Variants in PATJ observed in about 807,000 individuals in gnomAD.
The protein encoded by PATJ is PATJ crumbs cell polarity complex component.
A neutral mutation model predicts 224.9 loss-of-function variants in PATJ; 190 were observed. That is an observed-to-expected ratio of 0.84 (90% confidence interval 0.75 to 0.95). PATJ has a LOEUF of 0.95. Among genes scored for constraint, PATJ ranks in the 40% least tolerant of loss-of-function variants. The pLI is 0.00. For missense variants in PATJ, 2,121 were observed against 2,270.3 expected (o/e 0.93, Z 1.34); for synonymous variants, 769 against 820.3 (o/e 0.94, Z 1.07).
At chr1:61,864,166 T>A in intron 19 of PATJ, 72 bp from the exon 20 acceptor site, 1 of 1,356,296 alleles carries the variant, frequency 7.4e-7, no homozygotes, top group Non-Finnish European at 1.0e-6. Flanking sequence ...TTTGAAAATT[T>A]TCCAGTTTAT....
At chr1:61,766,256 T>TGA (rs1553153976) in intron 3 of PATJ, 23 bp from the exon 4 acceptor site, 1 of 1,512,404 alleles carries the variant, frequency 6.6e-7, no homozygotes, top group East Asian at 2.3e-5. Flanking sequence ...TTTCTGTTGA[T>TGA]TCTTTTTTTT....
At chr1:62,069,061 G>A (rs1656967167) in intron 31 of PATJ, among the ~76,000 whole-genome samples, 3 of 152,160 alleles carry the variant, frequency 2.0e-5, no homozygotes, top group South Asian at 2.1e-4. Flanking sequence ...GGTCACTGCC[G>A]TGGCTACTGC....
At chr1:61,858,353 C>T (rs1664029965) in intron 18 of PATJ, among the ~76,000 whole-genome samples, 1 of 152,186 alleles carries the variant, frequency 6.6e-6, no homozygotes, top group African/African-American at 2.4e-5. Flanking sequence ...ACCTCCATCT[C>T]CCAGGTTCAA....
rs763350089 is a variant in PATJ, at chr1:61,822,954, A to G, written c.1693A>G (p.Ile565Val). ...ELQKYSKLLP[I>V]HTLRLGVEVD... The stretch of plus-strand genomic sequence containing the variant: ...TTGTGTTTTGCTACAGCTGCTGCCT[A>G]TTCACACTCTGAGGCTTGGTGTGGA... The change falls in exon 15 of 44, where the codon ATT becomes GTT. Residue 565 changes from isoleucine to valine, a missense_variant. Coordinates refer to ENST00000642238, the MANE Select transcript of PATJ (RefSeq NM_001350145.3). The G allele has an allele frequency of 1.9e-6, 3 of 1,614,014 alleles. No individual in the cohort carries two copies. The highest frequency in any genetic ancestry group is 1.7e-6 in the Non-Finnish European group (2 of 1,179,970).
intron 31 of PATJ, chr1:62,054,191 T>TA (rs1006905062): frequency 8.6e-3 from 1,474 of 172,278 alleles, no homozygotes; most frequent in South Asian, 0.02. Flanking sequence ...CATTTTTATT[T>TA]AAAAAAAAAA....
rs1299089572 is a variant in PATJ at position 61,914,613 on chromosome 1, C to T, written c.3519C>T (p.Ala1173=). Residue 1173 remains alanine, a synonymous_variant, in exon 26 of 44, where the codon GCC becomes GCT. Transcript: ENST00000642238. The stretch of plus-strand genomic sequence containing the variant: ...TCATTCCTAACGTACATAACAAGGC[C>T]AACAAAATCACCGGTAACCAGAACC... ...PRVIPNVHNK[A]NKITGNQNQD... 1.3e-6 allele frequency: 2 copies of T among 1,579,684 alleles called. No individual in the cohort carries two copies. The highest frequency in any genetic ancestry group is 1.3e-5 in the African/African-American group (1 of 74,306).
Position 62,123,474 on chromosome 1 carries a change from T to TTA in PATJ, c.5043+417_5043+418insAT, listed in dbSNP as rs1329876324. Reference sequence around the variant, plus strand: ...TATGAATGTGCTATAAGTTTCTTTTTTTTTTTTTTTTTTTTTTTTTTGAGA... The same window carrying TTA: ...TATGAATGTGCTATAAGTTTCTTTTTTATTTTTTTTTTTTTTTTTTTTTGAGA... On this transcript the variant is annotated intron_variant, in intron 39 of 43. Transcript: ENST00000642238. 2.4e-5 allele frequency among the ~76,000 whole-genome samples: 3 copies of TTA among 126,718 alleles called. No individual in the cohort carries two copies. The East Asian group carries it at 7.2e-4, about 30-fold the overall frequency. The allele number at this position is 126,718 out of a possible 152,430, so 83.1% of individuals were successfully genotyped here. A position where few individuals can be genotyped will look rare whatever the true frequency, so the allele number is the denominator to read the frequency against.
At chr1:61,860,813 C>T (rs1044615841) in intron 18 of PATJ, among the ~76,000 whole-genome samples, 1 of 148,086 alleles carries the variant, frequency 6.8e-6, no homozygotes, top group Admixed American at 6.8e-5. Flanking sequence ...GGTGACACAG[C>T]GAGACTCTCT....
At chr1:61,790,506 C>CT (rs1255469790) in intron 8 of PATJ, among the ~76,000 whole-genome samples, 109 of 105,456 alleles carry the variant, frequency 1.0e-3, no homozygotes, top group Admixed American at 1.7e-3. Context: ...TTTTCTTCTT[C>CT]TTTTTTTTGT....
At chr1:61,791,254 C>G in intron 8 of PATJ, 94 bp from the exon 9 acceptor site, 2 of 669,434 alleles carry the variant, frequency 3.0e-6, no homozygotes, top group Non-Finnish European at 5.1e-6. Context: ...GCCATAGATG[C>G]TAAGAAAATA....
At chr1:61,900,017 A>G (rs1455745566) in intron 23 of PATJ, among the ~76,000 whole-genome samples, 2 of 152,194 alleles carry the variant, frequency 1.3e-5, no homozygotes, top group African/African-American at 4.8e-5. Flanking sequence ...TCTAGTATAT[A>G]TCAGTTTATC....
intron 29 of PATJ, among the ~76,000 whole-genome samples, chr1:62,022,300 A>G (rs1387604551): frequency 2.0e-5 from 3 of 152,216 alleles, no homozygotes; most frequent in Non-Finnish European, 2.9e-5. Flanking sequence ...AGCAAGTTGC[A>G]GCTATTTATA....
At chr1:62,010,432 AC>A (rs1398623009) in intron 28 of PATJ, among the ~76,000 whole-genome samples, 1 of 144,572 alleles carries the variant, frequency 6.9e-6, no homozygotes, top group South Asian at 2.2e-4. Flanking sequence ...TCCCCAAAAA[AC>A]CCCCTCCCCA....
chr1:62,070,248 T>C (rs536204300), intron 31 of PATJ, among the ~76,000 whole-genome samples: 1 of 152,164 alleles, frequency 6.6e-6, no homozygotes, highest in Non-Finnish European at 1.5e-5. Flanking sequence ...ACGAGGCAGG[T>C]TAGAGTTTTT....
chr1:62,159,828 G>A (rs1023864392), intron 43 of PATJ, among the ~76,000 whole-genome samples: 16 of 152,176 alleles, frequency 1.1e-4, no homozygotes, highest in Admixed American at 3.9e-4. Flanking sequence ...ACAGGCATGA[G>A]CCACTGCACC....
chr1:62,006,152 C>T (rs1458049850), intron 28 of PATJ, among the ~76,000 whole-genome samples: 1 of 152,072 alleles, frequency 6.6e-6, no homozygotes, highest in Non-Finnish European at 1.5e-5. Flanking sequence ...CTTGCTCTGT[C>T]GCCCCAGGCT....
At position 61,917,280 on chromosome 1, in the gene PATJ, G is replaced by C. The variant is rs371950817; in HGVS notation, c.3570+2616G>C. 1.3e-4 allele frequency among the ~76,000 whole-genome samples: 20 copies of C among 152,292 alleles called. No homozygotes were observed. In the East Asian group the frequency reaches 3.9e-3, roughly 29 times the overall value. ...CCAAGATATTGGAGGTTAAAGGCAA[G>C]ATGGAGTTGGTTAGGTCAGGTCTCT... On this transcript the variant is annotated intron_variant, in intron 26 of 43. Coordinates refer to ENST00000642238, the MANE Select transcript of PATJ (RefSeq NM_001350145.3).
At position 61,815,926 on chromosome 1, in the gene PATJ, A is replaced by G. The variant is rs376225187; in HGVS notation, c.1684-7019A>G. ...TTGGCAAGTGTTTACTATTAAGATA[A>G]TAACAGCTCTATGAGGGAGAAGCAT... On this transcript the variant is annotated intron_variant, in intron 14 of 43. Transcript: ENST00000642238. 2.0e-5 allele frequency among the ~76,000 whole-genome samples: 3 copies of G among 152,196 alleles called. No individual in the cohort carries two copies. In the East Asian group the frequency reaches 5.8e-4, roughly 29 times the overall value.
chr1:62,028,052 T>C (rs1360607464), intron 29 of PATJ, among the ~76,000 whole-genome samples: 1 of 152,228 alleles, frequency 6.6e-6, no homozygotes, highest in Non-Finnish European at 1.5e-5. Flanking sequence ...CAAGAAATTA[T>C]TGTCAAATCC....
Sources: gnomAD v4.1 joint callset for allele counts (sites outside exome capture counted in the v4.1 genomes callset) on GRCh38, gnomAD v4.1.1 for gene constraint, MANE v1.5 for transcripts, NCBI Gene and HGNC (gene_info 2026-07-23, HGNC 2026-07-21) for gene names.